The following GAREM1 variants were observed in gnomAD, a reference collection of about 807,000 sequenced individuals.
The protein encoded by GAREM1 is GRB2-associated and regulator of MAPK protein 1.
GAREM1 carries 26 observed loss-of-function variants against 71.3 expected under a neutral mutation model. The ratio of observed to expected loss-of-function variants is 0.36; its 90% confidence interval spans 0.27 to 0.51. The LOEUF (loss-of-function observed/expected upper bound fraction) is 0.51, where lower values mean the gene tolerates loss of function less well. Ranked by LOEUF, GAREM1 falls within the 20% of genes least tolerant of loss-of-function variation. The pLI is 0.95. For missense variants in GAREM1, 1,026 were observed against 1,103.1 expected (o/e 0.93, Z 0.99); for synonymous variants, 440 against 433.2 (o/e 1.02, Z -0.20).
At position 32,267,910 on chromosome 18, in the gene GAREM1, C is replaced by G; in HGVS notation, c.2592G>C (p.Lys864Asn). The G allele has an allele frequency of 6.2e-7, 1 of 1,613,774 alleles. No homozygotes were observed. The highest frequency in any genetic ancestry group is 8.5e-7 in the Non-Finnish European group (1 of 1,179,790). Reference protein sequence around the residue: ...DFKLSKLQVKKIMQFINGWRP... With the variant: ...DFKLSKLQVKNIMQFINGWRP... The stretch of plus-strand genomic sequence containing the variant: ...TCCAGCCATTAATGAATTGCATTAT[C>G]TTCTTCACCTGCAATTTGCTCAATT... The change falls in exon 6 of 6, where the codon AAG becomes AAC. Residue 864 changes from lysine to asparagine, a missense_variant. Around this residue, in one of 3 missense-constraint regions of GAREM1, gnomAD observed 636 missense variants for 631.2 expected, o/e 1.01. Transcript: ENST00000269209.
chr18:32,372,867 T>C (rs1222130188), intron 2 of GAREM1, among the ~76,000 whole-genome samples: 1 of 152,192 alleles, frequency 6.6e-6, no homozygotes, highest in East Asian at 1.9e-4. Context: ...GTGGTTCCTG[T>C]AGAAAACTGG....
intron 3 of GAREM1, among the ~76,000 whole-genome samples, chr18:32,291,681 T>C (rs1300214461): frequency 1.3e-5 from 2 of 151,138 alleles, no homozygotes; most frequent in Non-Finnish European, 2.9e-5. Context: ...GTGTGTGATG[T>C]TCCCCCAGTG....
chr18:32,281,590 CA>C (rs1029890934), intron 4 of GAREM1, among the ~76,000 whole-genome samples: 1 of 152,196 alleles, frequency 6.6e-6, no homozygotes, highest in Non-Finnish European at 1.5e-5. Flanking sequence ...CAGTGGTTCA[CA>C]AAAGAGCTCC....
At chr18:32,457,222 A>ATGTGT (rs2048900836) in intron 1 of GAREM1, among the ~76,000 whole-genome samples, 2 of 84,240 alleles carry the variant, frequency 2.4e-5, no homozygotes, top group Non-Finnish European at 5.1e-5. Flanking sequence ...AGAGAGAGAG[A>ATGTGT]GAGAGTGTGT....
intron 2 of GAREM1, among the ~76,000 whole-genome samples, chr18:32,327,873 G>A (rs1011118865): frequency 5.9e-5 from 9 of 152,140 alleles, no homozygotes; most frequent in Admixed American, 2.0e-4. Flanking sequence ...TATAAAATGG[G>A]GATGTTGATA....
intron 1 of GAREM1, among the ~76,000 whole-genome samples, chr18:32,407,803 G>T (rs1014583720): frequency 6.6e-6 from 1 of 152,072 alleles, no homozygotes; most frequent in African/African-American, 2.4e-5. Context: ...GCCATCCTGG[G>T]CAACATAACC....
intron 2 of GAREM1, among the ~76,000 whole-genome samples, chr18:32,359,929 AATATAAATAAAT>A (rs1041778311): frequency 6.9e-6 from 1 of 145,350 alleles, no homozygotes; most frequent in African/African-American, 2.7e-5. Flanking sequence ...CTGTCTCTTA[AATATAAATAAAT>A]AAATAAATAA....
At position 32,287,786 on chromosome 18, in the gene GAREM1, A is replaced by T; in HGVS notation, c.811T>A (p.Tyr271Asn). The T allele has an allele frequency of 6.2e-7, 1 of 1,612,594 alleles. No homozygotes were observed. ...TTGGTCTGGATGTTCACAAACTTATAGCGGTGCCCCTCACGGATGAAGTGG... is the reference window on the plus strand; with the variant it reads ...TTGGTCTGGATGTTCACAAACTTATTGCGGTGCCCCTCACGGATGAAGTGG... Reference protein sequence around the residue: ...DLHFIREGHRYKFVNIQTKTV... With the variant: ...DLHFIREGHRNKFVNIQTKTV... Residue 271 changes from tyrosine (Y) to asparagine (N), a missense_variant, in exon 4 of 6, where the codon TAT (tyrosine) becomes AAT (asparagine). Physicochemically the swap from Tyr to Asn is moderately radical, Grantham distance 143 (BLOSUM62 -2). This residue lies in a region of GAREM1 where 218 missense variants were observed against 296.8 expected (regional missense o/e 0.73). Transcript: ENST00000269209. The surrounding 1 kb of genome is among the most constrained non-coding windows in gnomAD (Gnocchi z 5.9).
intron 1 of GAREM1, among the ~76,000 whole-genome samples, chr18:32,469,160 T>C (rs2049026450): frequency 6.6e-6 from 1 of 152,162 alleles, no homozygotes; most frequent in Admixed American, 6.5e-5. Context: ...TACAAATGTC[T>C]AATCAAACCC....
chr18:32,464,061 G>T (rs2048976956), intron 1 of GAREM1, among the ~76,000 whole-genome samples: 1 of 150,974 alleles, frequency 6.6e-6, no homozygotes, highest in African/African-American at 2.4e-5. Flanking sequence ...GCCAAGGCAG[G>T]CAGATGATCA....
At chr18:32,364,023 TATATG>T (rs1341425578) in intron 2 of GAREM1, among the ~76,000 whole-genome samples, 19 of 70,820 alleles carry the variant, frequency 2.7e-4, no homozygotes, top group African/African-American at 7.5e-4. Context: ...TATATATATA[TATATG>T]TTTTTTTTTT....
chr18:32,376,097 A>G (rs951404745), intron 2 of GAREM1, among the ~76,000 whole-genome samples: 15 of 152,244 alleles, frequency 9.9e-5, no homozygotes, highest in African/African-American at 3.6e-4. Flanking sequence ...TAATTTCCAG[A>G]GGAAACCTAT....
intron 1 of GAREM1, among the ~76,000 whole-genome samples, chr18:32,466,595 C>T (rs1447521375): frequency 2.0e-5 from 3 of 152,104 alleles, no homozygotes; most frequent in Non-Finnish European, 4.4e-5. Flanking sequence ...CTAACACAAG[C>T]CTTCAGGGTC....
chr18:32,332,802 T>C (rs1455070592), intron 2 of GAREM1, among the ~76,000 whole-genome samples: 1 of 152,140 alleles, frequency 6.6e-6, no homozygotes, highest in Non-Finnish European at 1.5e-5. Flanking sequence ...GAACCTGTTG[T>C]TTCTAAGCTC....
chr18:32,416,673 C>T (rs2048469557), intron 1 of GAREM1, among the ~76,000 whole-genome samples: 1 of 152,052 alleles, frequency 6.6e-6, no homozygotes, highest in South Asian at 2.1e-4. Context: ...CATTCATACG[C>T]AGAAGAATGA....
At chr18:32,389,796 T>C (rs2048178736) in intron 2 of GAREM1, among the ~76,000 whole-genome samples, 1 of 152,182 alleles carries the variant, frequency 6.6e-6, no homozygotes, top group Admixed American at 6.5e-5. Flanking sequence ...AAATAGATTC[T>C]TGGAGACAAA....
At chr18:32,419,883 T>C (rs1015350265) in intron 1 of GAREM1, among the ~76,000 whole-genome samples, 6 of 152,152 alleles carry the variant, frequency 3.9e-5, no homozygotes, top group African/African-American at 1.4e-4. Context: ...TCAAAAAGAC[T>C]TTATGGGTAA....
chr18:32,452,113 A>G (rs1052717532), intron 1 of GAREM1, among the ~76,000 whole-genome samples: 3 of 152,166 alleles, frequency 2.0e-5, no homozygotes, highest in African/African-American at 7.2e-5. Context: ...AGACGTGCAC[A>G]ATGGCCCAAG....
At chr18:32,325,514 G>C (rs1369783883) in intron 2 of GAREM1, among the ~76,000 whole-genome samples, 1 of 152,222 alleles carries the variant, frequency 6.6e-6, no homozygotes, top group East Asian at 1.9e-4. Context: ...CAATTGTGCC[G>C]TGAATCTAAA....
Sources: gnomAD v4.1 joint callset for allele counts (sites outside exome capture counted in the v4.1 genomes callset) on GRCh38, gnomAD v4.1.1 for gene constraint, gnomAD v4.1.1 regional missense constraint, Gnocchi (gnomAD v3.1) non-coding constraint, MANE v1.5 for transcripts, NCBI Gene and HGNC (gene_info 2026-07-23, HGNC 2026-07-21) for gene names.